The following CPS1 variants were observed in gnomAD, a reference collection of about 807,000 sequenced individuals.
The protein encoded by CPS1 is carbamoyl-phosphate synthase 1, also known as carbamoyl-phosphate synthase [ammonia], mitochondrial.
In CPS1, 109 loss-of-function variants were observed where a neutral mutation model predicts 174.6. The observed-to-expected ratio is 0.62, with a 90% CI of 0.53 to 0.73. The LOEUF is 0.73. CPS1 is among the 30% of genes least tolerant of loss of function. CPS1 has a pLI of 0.00. For missense variants in CPS1, 1,689 were observed against 1,821.9 expected, an observed-to-expected ratio of 0.93 and a Z score of 1.33; for synonymous variants, 637 against 632.0, an observed-to-expected ratio of 1.01 and a Z score of -0.12.
intron 1 of CPS1, among the ~76,000 whole-genome samples, chr2:210,545,669 T>C (rs11888789): frequency 8.7e-4 from 133 of 152,204 alleles, no homozygotes; most frequent in African/African-American, 3.2e-3. Context: ...ATTTTAAAAA[T>C]ATATATTAAT....
intron 33 of CPS1, among the ~76,000 whole-genome samples, chr2:210,667,860 A>G (rs924071593): frequency 2.0e-5 from 3 of 152,194 alleles, no homozygotes; most frequent in Admixed American, 6.5e-5. Flanking sequence ...TTTGTATCCA[A>G]ATAACTCTCA....
intron 37 of CPS1, 150 bp from the exon 38 acceptor site, chr2:210,677,737 A>C: frequency 1.3e-6 from 1 of 761,964 alleles, no homozygotes; most frequent in Non-Finnish European, 2.4e-6. Flanking sequence ...GAGACATGGG[A>C]GAAAGTCTCC....
intron 1 of CPS1, among the ~76,000 whole-genome samples, chr2:210,481,217 C>T (rs1694560902): frequency 6.6e-6 from 1 of 152,154 alleles, no homozygotes; most frequent in Admixed American, 6.5e-5. Context: ...CTTTCTCCAC[C>T]TAACACTTGT....
In CPS1 at chr2:210,642,345, A is replaced by G. The variant is rs1429409657; in HGVS notation, c.2960-139A>G. ...AGTATGCATCATGGGTTTGAAATTT[A>G]TATCTTGGAGTTTAAAAAATTGAAT... is the stretch of plus-strand genomic sequence containing the variant. On this transcript the variant is annotated intron_variant, in intron 24 of 37. Transcript: ENST00000233072. 3 of 991,740 alleles carry G rather than the reference A, an allele frequency of 3.0e-6. No homozygotes were observed. In the East Asian group the frequency reaches 7.3e-5, roughly 24 times the overall value. 61.4% of individuals were successfully genotyped at this position (991,740 alleles called of 1,614,324 possible). A position where few individuals can be genotyped will look rare whatever the true frequency, so the allele number is the denominator to read the frequency against.
intron 1 of CPS1, among the ~76,000 whole-genome samples, chr2:210,533,017 A>G (rs1219852873): frequency 6.6e-6 from 1 of 152,090 alleles, no homozygotes; most frequent in East Asian, 1.9e-4. Flanking sequence ...ACAAGGGGCC[A>G]ATTAACTTGG....
intron 1 of CPS1, among the ~76,000 whole-genome samples, chr2:210,515,503 A>T (rs115468786): frequency 0.017 from 2,623 of 151,242 alleles, 28 homozygotes; most frequent in Non-Finnish European, 0.028. Context: ...ATGTGTTCAT[A>T]GTCGTCTCTG....
chr2:210,626,520 A>G (rs1574610869), intron 21 of CPS1, among the ~76,000 whole-genome samples: 1 of 152,194 alleles, frequency 6.6e-6, no homozygotes, highest in Non-Finnish European at 1.5e-5. Context: ...TAAAGTAGTT[A>G]TGTATCTACT....
chr2:210,514,622 AAG>A (rs1420677068), intron 1 of CPS1, among the ~76,000 whole-genome samples: 2 of 151,958 alleles, frequency 1.3e-5, no homozygotes, highest in Non-Finnish European at 2.9e-5. Flanking sequence ...ATAATCAGTG[AAG>A]AGAGATAGTT....
chr2:210,595,610 TA>T, intron 13 of CPS1, 28 bp downstream of exon 13: 1 of 1,430,768 alleles, frequency 7.0e-7, no homozygotes, highest in Non-Finnish European at 9.9e-7. Context: ...TTACTAGAAT[TA>T]ATATGCTTCC....
chr2:210,660,393 T>C, intron 31 of CPS1, 92 bp from the exon 32 acceptor site: 1 of 1,291,534 alleles, frequency 7.7e-7, no homozygotes, highest in Non-Finnish European at 1.1e-6. Context: ...CCCCAGTTAA[T>C]AACAGCTGGA....
intron 1 of CPS1, among the ~76,000 whole-genome samples, chr2:210,561,419 C>T (rs889762793): frequency 6.6e-6 from 1 of 152,158 alleles, no homozygotes; most frequent in African/African-American, 2.4e-5. Flanking sequence ...TTGCTCATGT[C>T]TAGCCAGACT....
chr2:210,531,990 A>G lies in CPS1; in HGVS notation c.4-24729A>G, dbSNP rs543173084. Among the ~76,000 whole-genome samples the G allele has an allele frequency of 7.2e-5, 11 of 152,298 alleles. No individual in the cohort carries two copies. In the South Asian group the frequency reaches 1.0e-3, roughly 14 times the overall value. On this transcript the variant is annotated intron_variant, in intron 1 of 38. Coordinates refer to the CPS1 transcript ENST00000430249. The stretch of plus-strand genomic sequence containing the variant: ...GAGTAAGATTTTCTGATTGGCTTAC[A>G]TGATGCTTTCTTCCAAGGATGTGGA...
chr2:210,497,104 C>A (rs1695009389), intron 1 of CPS1, among the ~76,000 whole-genome samples: 1 of 152,118 alleles, frequency 6.6e-6, no homozygotes, highest in African/African-American at 2.4e-5. Flanking sequence ...TTCTTGTATG[C>A]TAACTCTTCC....
intron 24 of CPS1, among the ~76,000 whole-genome samples, chr2:210,640,602 C>A (rs1251144178): frequency 6.6e-6 from 1 of 152,046 alleles, no homozygotes. Context: ...AATTAAATAA[C>A]CACTAAAGAT....
chr2:210,675,383 A>G (rs1701491506), intron 35 of CPS1, among the ~76,000 whole-genome samples: 1 of 152,216 alleles, frequency 6.6e-6, no homozygotes, highest in African/African-American at 2.4e-5. Context: ...GCCTGTGGCC[A>G]TGGGGATTTT....
chr2:210,529,327 C>G (rs1455501178), intron 1 of CPS1, among the ~76,000 whole-genome samples: 1 of 151,960 alleles, frequency 6.6e-6, no homozygotes, highest in Non-Finnish European at 1.5e-5. Flanking sequence ...TCCACTTTCT[C>G]TTGGGACTTG....
At chr2:210,587,852 T>A (rs1698159579) in intron 6 of CPS1, among the ~76,000 whole-genome samples, 1 of 142,598 alleles carries the variant, frequency 7.0e-6, no homozygotes, top group Admixed American at 7.0e-5. Flanking sequence ...AACAGCAAAG[T>A]CTTTTTTTCT....
intron 33 of CPS1, among the ~76,000 whole-genome samples, chr2:210,667,171 T>G (rs946921346): frequency 6.6e-6 from 1 of 152,218 alleles, no homozygotes; most frequent in African/African-American, 2.4e-5. Flanking sequence ...TTTTGTACAT[T>G]GATTTTGTAT....
Position 210,612,355 on chromosome 2 carries a change from C to T in CPS1, c.2568+62C>T, listed in dbSNP as rs953279261. ...TTTTCCAGAATGTAGTCAGTCTGGA[C>T]ATTAAAATAAAACTGAATCACAAAG... On this transcript the variant is annotated intron_variant, in intron 20 of 37. Transcript: ENST00000233072. The T allele has an allele frequency of 1.9e-6, 3 of 1,567,206 alleles. No homozygotes were observed. The African/African-American group carries it at 4.1e-5, about 21-fold the overall frequency.
Sources: gnomAD v4.1 joint callset for allele counts (sites outside exome capture counted in the v4.1 genomes callset) on GRCh38, gnomAD v4.1.1 for gene constraint, MANE v1.5 for transcripts, NCBI Gene and HGNC (gene_info 2026-07-23, HGNC 2026-07-21) for gene names.